EGFLAM: variants seen among roughly 807,000 people sequenced by gnomAD.
The protein encoded by EGFLAM is EGF like, fibronectin type III and laminin G domains, also known as pikachurin.
Under a neutral mutation model 113.1 loss-of-function variants are expected in EGFLAM, and 79 were observed. That is an observed-to-expected ratio of 0.70 (90% CI 0.58 to 0.84). The LOEUF (loss-of-function observed/expected upper bound fraction) is 0.84, where lower values mean the gene tolerates loss of function less well. Among genes scored for constraint, EGFLAM ranks in the 40% least tolerant of loss-of-function variants. The probability of loss-of-function intolerance (pLI) is 0.00; values close to 1 mark genes in which losing one functional copy is unlikely to be tolerated. For missense variants in EGFLAM, 1,265 were observed against 1,291.6 expected, an observed-to-expected ratio of 0.98 and a Z score of 0.32; for synonymous variants, 504 against 487.6, an observed-to-expected ratio of 1.03 and a Z score of -0.44.
chr5:38,433,461 G>A lies in EGFLAM; in HGVS notation c.2167-1676G>A, dbSNP rs56288217. Among the ~76,000 whole-genome samples, 1,517 of 152,328 alleles carry A rather than the reference G, an allele frequency of 1.0e-2. 11 individuals carry two copies. Among genetic ancestry groups the A allele is most frequent in the Non-Finnish European group, 0.016 (1,079 of 68,034 alleles). ...ACACAAAACCCCTCACTGCAGAGCA[G>A]GCCTGGCTTTGGTGGGATATGTTTT... On this transcript the variant is annotated intron_variant, in intron 15 of 21. Transcript: ENST00000322350.
chr5:38,450,973 C>G (rs1180365222), intron 18 of EGFLAM, among the ~76,000 whole-genome samples: 2 of 152,210 alleles, frequency 1.3e-5, no homozygotes, highest in Non-Finnish European at 2.9e-5. Flanking sequence ...AACACACTTT[C>G]TGTTGGGGAA....
intron 11 of EGFLAM, among the ~76,000 whole-genome samples, chr5:38,416,433 T>A (rs1382595956): frequency 6.6e-6 from 1 of 152,176 alleles, no homozygotes; most frequent in African/African-American, 2.4e-5. Flanking sequence ...CTCAGACTCA[T>A]CCGAAACTGT....
chr5:38,277,418 A>G (rs373960681), intron 1 of EGFLAM, among the ~76,000 whole-genome samples: 4 of 152,206 alleles, frequency 2.6e-5, no homozygotes, highest in Non-Finnish European at 5.9e-5. Flanking sequence ...GTACCTCAAC[A>G]TAATAAAGTC....
At chr5:38,271,269 T>A (rs1198361466) in intron 1 of EGFLAM, among the ~76,000 whole-genome samples, 1 of 152,214 alleles carries the variant, frequency 6.6e-6, no homozygotes, top group African/African-American at 2.4e-5. Context: ...TTTAGCTACT[T>A]TTTTACTGTG....
chr5:38,288,195 T>G (rs1579729460), intron 1 of EGFLAM, among the ~76,000 whole-genome samples: 1 of 152,176 alleles, frequency 6.6e-6, no homozygotes, highest in Admixed American at 6.5e-5. Context: ...GGTTAGATGG[T>G]CTGCAGATTT....
chr5:38,445,338 A>G (rs1271820457), intron 17 of EGFLAM: 1 of 254,634 alleles, frequency 3.9e-6, no homozygotes, highest in African/African-American at 2.3e-5. Context: ...CTCTAGATTT[A>G]AAAGAAATGC....
At chr5:38,445,452 G>T in intron 17 of EGFLAM, 3 of 1,403,360 alleles carry the variant, frequency 2.1e-6, no homozygotes, top group Non-Finnish European at 1.9e-6. Flanking sequence ...CCGAGAAGAG[G>T]TGAGGAGGCG....
chr5:38,352,053 T>C, intron 4 of EGFLAM, 143 bp from the exon 5 acceptor site: 2 of 1,102,054 alleles, frequency 1.8e-6, no homozygotes, highest in Non-Finnish European at 2.6e-6. Context: ...TGAACAGAGA[T>C]ATTTTGGGTA....
chr5:38,269,580 C>T (rs556963294), intron 1 of EGFLAM, among the ~76,000 whole-genome samples: 3 of 151,506 alleles, frequency 2.0e-5, no homozygotes, highest in African/African-American at 4.8e-5. Context: ...AGCTCCGCCT[C>T]GCAGGTTCAC....
At chr5:38,435,110 A>G in intron 15 of EGFLAM, 27 bp from the exon 16 acceptor site, 1 of 1,592,444 alleles carries the variant, frequency 6.3e-7, no homozygotes, top group South Asian at 1.1e-5. Flanking sequence ...AAAGTCATAC[A>G]ATGCTTTGTT....
At chr5:38,382,341 A>G (rs1025940546) in intron 6 of EGFLAM, among the ~76,000 whole-genome samples, 1 of 152,226 alleles carries the variant, frequency 6.6e-6, no homozygotes, top group African/African-American at 2.4e-5. Context: ...TTTAATAACA[A>G]TGTATTCCAT....
chr5:38,433,478 A>G (rs996417166), intron 15 of EGFLAM, among the ~76,000 whole-genome samples: 1 of 152,140 alleles, frequency 6.6e-6, no homozygotes, highest in Non-Finnish European at 1.5e-5. Flanking sequence ...CTTTGGTGGG[A>G]TATGTTTTCT....
At chr5:38,304,430 G>T (rs533522863) in intron 1 of EGFLAM, among the ~76,000 whole-genome samples, 1 of 152,206 alleles carries the variant, frequency 6.6e-6, no homozygotes, top group South Asian at 2.1e-4. Flanking sequence ...TGGAGATATG[G>T]GTACCATACT....
chr5:38,390,347 T>G (rs1471228101), intron 6 of EGFLAM, among the ~76,000 whole-genome samples: 1 of 152,240 alleles, frequency 6.6e-6, no homozygotes, highest in Non-Finnish European at 1.5e-5. Context: ...ATTATAACAT[T>G]CTAGTGGATT....
rs1333980053 is a variant in EGFLAM, at chr5:38,326,782, G to A, written c.98-10738G>A. ...GCTGGGATTACAGGCGTGAGCCACC[G>A]CGCCTGGCCCGTAAGGGTATTTTTT... On this transcript the variant is annotated intron_variant, in intron 1 of 21. Transcript: ENST00000322350. Among the ~76,000 whole-genome samples, 4 of 149,990 alleles carry A rather than the reference G, an allele frequency of 2.7e-5. No homozygotes were observed. The East Asian group carries it at 6.0e-4, about 22-fold the overall frequency.
At chr5:38,420,013 T>C (rs1741774782) in intron 12 of EGFLAM, among the ~76,000 whole-genome samples, 1 of 151,628 alleles carries the variant, frequency 6.6e-6, no homozygotes, top group Non-Finnish European at 1.5e-5. Context: ...GACAACAGAG[T>C]GAGACTGTCT....
At chr5:38,439,243 A>G (rs568520641) in intron 17 of EGFLAM, among the ~76,000 whole-genome samples, 1 of 152,312 alleles carries the variant, frequency 6.6e-6, no homozygotes, top group East Asian at 1.9e-4. Context: ...ATAGACCATG[A>G]GACCCTGCTG....
intron 1 of EGFLAM, among the ~76,000 whole-genome samples, chr5:38,283,771 A>G (rs1224278054): frequency 6.6e-6 from 1 of 152,198 alleles, no homozygotes; most frequent in Non-Finnish European, 1.5e-5. Flanking sequence ...TTCTGTTTTC[A>G]TTAAGTAGTT....
intron 14 of EGFLAM, among the ~76,000 whole-genome samples, chr5:38,430,921 G>T (rs2112206466): frequency 6.6e-6 from 1 of 152,290 alleles, no homozygotes; most frequent in African/African-American, 2.4e-5. Context: ...AGAGAAGGTG[G>T]ATGTCCCAAC....
Sources: allele counts gnomAD v4.1 joint callset (sites outside exome capture counted in the v4.1 genomes callset), GRCh38; gene constraint gnomAD v4.1.1; transcripts MANE v1.5; gene names NCBI Gene and HGNC (gene_info 2026-07-23, HGNC 2026-07-21).